BICD1: variants seen among roughly 807,000 people sequenced by gnomAD.
BICD1 encodes protein bicaudal D homolog 1.
Under a neutral mutation model 92.5 loss-of-function variants are expected in BICD1, and 35 were observed. The ratio of observed to expected loss-of-function variants is 0.38; its 90% CI spans 0.29 to 0.50. BICD1 has a LOEUF of 0.50. BICD1 is among the 20% of genes least tolerant of loss of function. The pLI is 0.93. For missense variants in BICD1, 950 were observed against 1,189.8 expected (o/e 0.80, Z 2.97); for synonymous variants, 429 against 465.1 (o/e 0.92, Z 1.00).
intron 1 of BICD1, among the ~76,000 whole-genome samples, chr12:32,116,496 CTCTCTCTCTCTCTCTATA>C (rs1448909697): frequency 1.8e-3 from 121 of 67,552 alleles, no homozygotes; most frequent in Admixed American, 4.5e-3. Flanking sequence ...CTCTCTTTCT[CTCTCTCTCTCTCTCTATA>C]TATATATATA....
intron 1 of BICD1, among the ~76,000 whole-genome samples, chr12:32,147,152 C>T (rs559803372): frequency 6.6e-6 from 1 of 152,082 alleles, no homozygotes; most frequent in African/African-American, 2.4e-5. Context: ...GTTGCCCAGG[C>T]TAATCTTGAA....
At chr12:32,243,420 A>G (rs1946291488) in intron 2 of BICD1, among the ~76,000 whole-genome samples, 1 of 151,854 alleles carries the variant, frequency 6.6e-6, no homozygotes, top group Admixed American at 6.6e-5. Flanking sequence ...GGCCAGGGTT[A>G]TTTCTTAGGG....
chr12:32,173,045 G>T (rs1472583744), intron 1 of BICD1, among the ~76,000 whole-genome samples: 2 of 143,004 alleles, frequency 1.4e-5, no homozygotes, highest in East Asian at 4.2e-4. Flanking sequence ...CAGAGGCAGA[G>T]TTTTTTTTTT....
At chr12:32,201,863 T>G (rs1944914657) in intron 1 of BICD1, among the ~76,000 whole-genome samples, 1 of 152,132 alleles carries the variant, frequency 6.6e-6, no homozygotes, top group Non-Finnish European at 1.5e-5. Flanking sequence ...TGCCTTTAAG[T>G]TTTGCTTCTG....
chr12:32,298,446 TC>T (rs1947937252), intron 3 of BICD1, among the ~76,000 whole-genome samples: 2 of 151,152 alleles, frequency 1.3e-5, no homozygotes, highest in African/African-American at 4.9e-5. Context: ...GTGCCTGTAG[TC>T]CTAGCTACTC....
At chr12:32,342,087 A>G (rs1938387418) in intron 8 of BICD1, among the ~76,000 whole-genome samples, 1 of 149,864 alleles carries the variant, frequency 6.7e-6, no homozygotes. Context: ...CTATTAATGT[A>G]TCAGAATGTT....
chr12:32,125,558 G>A (rs751317490), intron 1 of BICD1, among the ~76,000 whole-genome samples: 13 of 152,092 alleles, frequency 8.5e-5, no homozygotes, highest in African/African-American at 1.7e-4. Context: ...GTTTTAAAGC[G>A]GATTTTTGAC....
intron 9 of BICD1, among the ~76,000 whole-genome samples, chr12:32,375,782 A>G (rs757567966): frequency 6.6e-6 from 1 of 152,206 alleles, no homozygotes; most frequent in Non-Finnish European, 1.5e-5. Context: ...AAAATGCAAG[A>G]GATATAGGTA....
chr12:32,210,499 T>C (rs1364627933), intron 1 of BICD1, among the ~76,000 whole-genome samples: 1 of 152,220 alleles, frequency 6.6e-6, no homozygotes, highest in East Asian at 1.9e-4. Flanking sequence ...ACAGAAAATA[T>C]CAATTTTCTT....
Position 32,305,999 on chromosome 12 carries a change from G to C in BICD1, c.882G>C (p.Val294=), listed in dbSNP as rs201853914. The part of the protein sequence containing the change: ...KMNGHIHGPL[V]KLNGDYRTPT... The stretch of plus-strand genomic sequence containing the variant: ...ACGGTCATATCCATGGGCCTCTTGT[G>C]AAACTGAATGGAGACTATCGGACTC... The change falls in exon 4 of 10, where the codon GTG becomes GTC. Residue 294 remains valine, a synonymous_variant. Coordinates refer to ENST00000652176, the MANE Select transcript of BICD1 (RefSeq NM_001714.4). 2 of 1,614,180 alleles carry C rather than the reference G, an allele frequency of 1.2e-6. No individual in the cohort carries two copies. Among genetic ancestry groups the C allele is most frequent in the South Asian group, 2.2e-5 (2 of 91,082 alleles).
At chr12:32,257,497 T>A (rs1005095894) in intron 2 of BICD1, among the ~76,000 whole-genome samples, 9 of 152,130 alleles carry the variant, frequency 5.9e-5, no homozygotes, top group African/African-American at 1.9e-4. Flanking sequence ...CAAATGTTGG[T>A]CAAGATGGTA....
intron 1 of BICD1, among the ~76,000 whole-genome samples, chr12:32,121,492 C>T (rs1942147514): frequency 6.6e-6 from 1 of 151,742 alleles, no homozygotes; most frequent in East Asian, 2.0e-4. Flanking sequence ...ACTTGGGAGG[C>T]TGAGGCAGGA....
chr12:32,340,080 G>A (rs1328571596), intron 8 of BICD1: 7 of 983,894 alleles, frequency 7.1e-6, no homozygotes, highest in East Asian at 1.1e-4. Context: ...GTTTGCCACC[G>A]TTGAAATAGA....
chr12:32,237,919 A>G (rs1946119813), intron 2 of BICD1, among the ~76,000 whole-genome samples: 1 of 152,228 alleles, frequency 6.6e-6, no homozygotes. Flanking sequence ...CTTATTATAT[A>G]AGAAATACAT....
intron 1 of BICD1, among the ~76,000 whole-genome samples, chr12:32,132,414 T>G (rs1243837391): frequency 2.8e-5 from 2 of 71,730 alleles, no homozygotes; most frequent in Non-Finnish European, 7.2e-5. Flanking sequence ...AGACTCTGTC[T>G]CAAAAAAAAA....
chr12:32,252,045 TAATA>T (rs1946546775), intron 2 of BICD1, among the ~76,000 whole-genome samples: 1 of 124,068 alleles, frequency 8.1e-6, no homozygotes, highest in African/African-American at 3.0e-5. Flanking sequence ...TATATATTTA[TAATA>T]AATATTATAT....
Position 32,334,633 on chromosome 12 carries a change from A to G in BICD1, c.2218A>G (p.Thr740Ala), listed in dbSNP as rs1938025984. Residue 740 changes from threonine to alanine, a missense_variant, in exon 6 of 10, where the codon ACC becomes GCC. By Grantham distance (58) the Thr-to-Ala change is moderately conservative. This residue lies in a region of BICD1 where 309 missense variants were observed against 499.4 expected (regional missense o/e 0.62). Transcript: ENST00000652176. ...ELKALKEDAATFSSLRAMFAT... is the reference protein window; with the variant it reads ...ELKALKEDAAAFSSLRAMFAT... ...GAAGGCTTTGAAAGAAGATGCTGCA[A>G]CCTTCTCATCCCTGAGAGCAATGTT... 2 of 1,613,014 alleles carry G rather than the reference A, an allele frequency of 1.2e-6. No individual in the cohort carries two copies. The highest frequency in any genetic ancestry group is 8.5e-7 in the Non-Finnish European group (1 of 1,179,574).
intron 2 of BICD1, among the ~76,000 whole-genome samples, chr12:32,219,293 C>T (rs1453955394): frequency 6.6e-6 from 1 of 152,106 alleles, no homozygotes; most frequent in African/African-American, 2.4e-5. Flanking sequence ...TTGGGTGCAT[C>T]GTGAAAGATT....
intron 1 of BICD1, among the ~76,000 whole-genome samples, chr12:32,129,322 G>C (rs1202310822): frequency 6.6e-6 from 1 of 151,170 alleles, no homozygotes; most frequent in Non-Finnish European, 1.5e-5. Flanking sequence ...TCAGGAGTTG[G>C]AGACCAGCCT....
Sources: allele counts gnomAD v4.1 joint callset (sites outside exome capture counted in the v4.1 genomes callset), GRCh38; gene constraint gnomAD v4.1.1; regional missense constraint gnomAD v4.1.1; transcripts MANE v1.5; gene names NCBI Gene and HGNC (gene_info 2026-07-23, HGNC 2026-07-21).